TAS2R1: variants seen among roughly 807,000 people sequenced by gnomAD.
The protein encoded by TAS2R1 is taste receptor type 2 member 1.
For missense variants in TAS2R1, 370 were observed against 353.4 expected (o/e 1.05, Z -0.38); for synonymous variants, 141 against 134.2 (o/e 1.05, Z -0.35).
chr5:9,863,146 T>C, the TAS2R1 span: 1 of 152,148 alleles, frequency 6.6e-6, no homozygotes, highest in Non-Finnish European at 1.5e-5. Context: ...ATATTAAATA[T>C]GCTTTGAAAC....
rs2234230 is a variant in TAS2R1 at position 9,630,095 on chromosome 5, G to T, written c.-63C>A. The stretch of plus-strand genomic sequence containing the variant: ...AGTTATAAAGTTTTGGACAGGTTGG[G>T]TTGTTCACGCTCTTCAATTAGATCA... On this transcript the variant is annotated 5_prime_UTR_variant, in exon 1 of 1. Coordinates refer to ENST00000382492, the MANE Select transcript of TAS2R1 (RefSeq NM_019599.3). 9.4e-5 allele frequency: 130 copies of T among 1,376,248 alleles called. No individual in the cohort carries two copies. In the East Asian group the frequency reaches 1.9e-3, roughly 20 times the overall value. The allele number at this position is 1,376,248 out of a possible 1,614,324, so 85.3% of individuals were successfully genotyped here. A position where few individuals can be genotyped will look rare whatever the true frequency, so the allele number is the denominator to read the frequency against.
At chr5:9,661,581 C>G (rs1483875627) in intron 1 of TAS2R1, among the ~76,000 whole-genome samples, 1 of 152,204 alleles carries the variant, frequency 6.6e-6, no homozygotes, top group African/African-American at 2.4e-5. Context: ...GAAGAATTCA[C>G]TGTTAGAGAA....
the TAS2R1 span, among the ~76,000 whole-genome samples, chr5:9,778,613 T>C: frequency 7.9e-5 from 12 of 152,390 alleles, no homozygotes; most frequent in African/African-American, 2.6e-4. Context: ...GATAACTTTC[T>C]GCACCTTCTA....
chr5:9,883,656 A>G, the TAS2R1 span, among the ~76,000 whole-genome samples: 2 of 152,052 alleles, frequency 1.3e-5, no homozygotes, highest in African/African-American at 4.8e-5. Flanking sequence ...CCGAGAATTC[A>G]GTGGCTTAAG....
At chr5:9,826,775 G>A in the TAS2R1 span, among the ~76,000 whole-genome samples, 4 of 152,114 alleles carry the variant, frequency 2.6e-5, no homozygotes, top group Non-Finnish European at 4.4e-5. Context: ...TGTTTGTCCC[G>A]TGGGCAGCAT....
the TAS2R1 span, among the ~76,000 whole-genome samples, chr5:9,776,443 G>C: frequency 1.3e-5 from 2 of 152,172 alleles, no homozygotes; most frequent in Non-Finnish European, 2.9e-5. Flanking sequence ...TTTTATGAAG[G>C]TGCTTTTTTG....
At chr5:9,863,189 T>C in the TAS2R1 span, 1 of 151,958 alleles carries the variant, frequency 6.6e-6, no homozygotes. Context: ...TCACCACCTA[T>C]CAAGATTCTG....
At chr5:9,821,041 G>C in the TAS2R1 span, among the ~76,000 whole-genome samples, 1 of 152,170 alleles carries the variant, frequency 6.6e-6, no homozygotes, top group Non-Finnish European at 1.5e-5. Context: ...TATCTCAGGA[G>C]TAAAACTTTA....
chr5:9,889,986 C>T, the TAS2R1 span: 1 of 152,204 alleles, frequency 6.6e-6, no homozygotes, highest in Non-Finnish European at 1.5e-5. Flanking sequence ...GGCTGATTCA[C>T]ACGGAAGTTA....
chr5:9,889,248 G>A, the TAS2R1 span, among the ~76,000 whole-genome samples: 2 of 152,120 alleles, frequency 1.3e-5, no homozygotes, highest in Non-Finnish European at 2.9e-5. Flanking sequence ...CACCATGCTG[G>A]AGCAGATGAA....
At chr5:9,755,241 G>T in the TAS2R1 span, among the ~76,000 whole-genome samples, 30 of 152,210 alleles carry the variant, frequency 2.0e-4, 1 homozygote, top group East Asian at 5.8e-3. Flanking sequence ...GCAAAAGAAA[G>T]AATTTAGGGC....
the TAS2R1 span, among the ~76,000 whole-genome samples, chr5:9,781,292 C>T: frequency 5.9e-5 from 9 of 152,294 alleles, no homozygotes; most frequent in African/African-American, 2.2e-4. Flanking sequence ...ATGTTAGAAT[C>T]ATCCTTGGCT....
chr5:9,700,174 A>G (rs1579790242), intron 1 of TAS2R1, among the ~76,000 whole-genome samples: 1 of 152,184 alleles, frequency 6.6e-6, no homozygotes, highest in East Asian at 1.9e-4. Flanking sequence ...CTGTCTTTTC[A>G]TCAGGATTCT....
chr5:9,643,295 C>G (rs958999500), intron 2 of TAS2R1, among the ~76,000 whole-genome samples: 1 of 152,148 alleles, frequency 6.6e-6, no homozygotes, highest in Non-Finnish European at 1.5e-5. Flanking sequence ...TATTTTGCTC[C>G]TAGGCTACAA....
the TAS2R1 span, among the ~76,000 whole-genome samples, chr5:9,839,457 T>C: frequency 0.059 from 9,020 of 152,274 alleles, 628 homozygotes; most frequent in East Asian, 0.23. Flanking sequence ...TCCATTACTC[T>C]TTTTATTCCT....
chr5:9,676,486 A>G (rs77579692), intron 1 of TAS2R1, among the ~76,000 whole-genome samples: 6,672 of 152,308 alleles, frequency 0.044, 190 homozygotes, highest in Middle Eastern at 0.082. Flanking sequence ...CTATGGAGCA[A>G]ATTTAATTCA....
the TAS2R1 span, among the ~76,000 whole-genome samples, chr5:9,749,956 T>C: frequency 2.0e-5 from 3 of 152,186 alleles, no homozygotes; most frequent in African/African-American, 4.8e-5. Context: ...ATGCTGGACA[T>C]ACCCCTTTGC....
chr5:9,675,405 AT>A (rs1488303588), intron 1 of TAS2R1, among the ~76,000 whole-genome samples: 1 of 146,612 alleles, frequency 6.8e-6, no homozygotes, highest in South Asian at 2.1e-4. Flanking sequence ...TCCATTAATT[AT>A]TTTTTTCTTT....
At chr5:9,633,158 ACT>A (rs1282124647), upstream of TAS2R1, among the ~76,000 whole-genome samples, 1 of 150,816 alleles carries the variant, frequency 6.6e-6, no homozygotes, top group Non-Finnish European at 1.5e-5. Flanking sequence ...TTAGGTAACT[ACT>A]CTTAGGTAAC....
Sources: gnomAD v4.1 joint callset for allele counts (sites outside exome capture counted in the v4.1 genomes callset) on GRCh38, gnomAD v4.1.1 for gene constraint, MANE v1.5 for transcripts, NCBI Gene and HGNC (gene_info 2026-07-23, HGNC 2026-07-21) for gene names.